Variants in CTNNA2 observed in about 807,000 individuals in gnomAD.
CTNNA2 encodes the protein catenin alpha-2.
In CTNNA2, 42 loss-of-function variants were observed where a neutral mutation model predicts 101.0. The ratio of observed to expected loss-of-function variants is 0.42; its 90% CI spans 0.32 to 0.54. The LOEUF (loss-of-function observed/expected upper bound fraction) is 0.54. Ranked by LOEUF, CTNNA2 falls within the 20% of genes least tolerant of loss-of-function variation. The probability of loss-of-function intolerance (pLI) is 0.14; values close to 1 mark genes in which losing one functional copy is unlikely to be tolerated. For missense variants in CTNNA2, 871 were observed against 1,223.1 expected (o/e 0.71, Z 4.29); for synonymous variants, 450 against 456.4 (o/e 0.99, Z 0.18).
chr2:79,906,319 C>T (rs1376668904), intron 6 of CTNNA2, among the ~76,000 whole-genome samples: 1 of 152,100 alleles, frequency 6.6e-6, no homozygotes, highest in Non-Finnish European at 1.5e-5. Context: ...CACAGACACA[C>T]ACCCACATGC....
chr2:80,248,031 G>C (rs77748748), intron 7 of CTNNA2, among the ~76,000 whole-genome samples: 1 of 138,744 alleles, frequency 7.2e-6, no homozygotes, highest in Non-Finnish European at 1.6e-5. Flanking sequence ...TTTTTTTTTT[G>C]TGGGGGCAGG....
chr2:80,162,596 C>G, intron 7 of CTNNA2: 2 of 1,610,794 alleles, frequency 1.2e-6, no homozygotes, highest in Non-Finnish European at 1.7e-6. Context: ...CAGTGTAACG[C>G]TGTTCCCGGC....
intron 3 of CTNNA2, among the ~76,000 whole-genome samples, chr2:79,361,266 G>A (rs1169736776): frequency 1.3e-5 from 2 of 151,998 alleles, no homozygotes; most frequent in African/African-American, 4.8e-5. Flanking sequence ...TAAAGATTTA[G>A]ACAAACAAAC....
At chr2:79,421,875 C>T (rs535713591) in intron 4 of CTNNA2, among the ~76,000 whole-genome samples, 1 of 152,246 alleles carries the variant, frequency 6.6e-6, no homozygotes, top group South Asian at 2.1e-4. Context: ...TGGGCCAGTA[C>T]TCTAGCAATC....
chr2:80,321,614 T>C (rs1678698518), intron 7 of CTNNA2, among the ~76,000 whole-genome samples: 2 of 152,246 alleles, frequency 1.3e-5, no homozygotes, highest in African/African-American at 4.8e-5. Flanking sequence ...AAATCTTTTT[T>C]TTAAAAGCCT....
intron 7 of CTNNA2, among the ~76,000 whole-genome samples, chr2:80,100,043 C>T (rs1700445566): frequency 6.6e-6 from 1 of 152,114 alleles, no homozygotes; most frequent in Non-Finnish European, 1.5e-5. Context: ...AATTCTCCTG[C>T]CCCAGCCTCC....
intron 2 of CTNNA2, among the ~76,000 whole-genome samples, chr2:79,743,532 ATTTATTTT>A (rs1487219838): frequency 4.9e-5 from 7 of 143,214 alleles, no homozygotes; most frequent in African/African-American, 1.8e-4. Flanking sequence ...TATTTATTTT[ATTTATTTT>A]TTTTTTTTTT....
intron 7 of CTNNA2, among the ~76,000 whole-genome samples, chr2:80,122,138 G>A (rs1030119554): frequency 6.6e-6 from 1 of 151,692 alleles, no homozygotes; most frequent in African/African-American, 2.4e-5. Context: ...GAATTACGTG[G>A]CTCTGGGTTG....
At chr2:80,524,206 CA>C (rs1559180598) in intron 9 of CTNNA2, among the ~76,000 whole-genome samples, 1 of 152,086 alleles carries the variant, frequency 6.6e-6, no homozygotes, top group Non-Finnish European at 1.5e-5. Context: ...TTTAGGTGAT[CA>C]GGGGAGATGT....
At chr2:79,296,219 A>G (rs932719980) in intron 2 of CTNNA2, among the ~76,000 whole-genome samples, 13 of 152,268 alleles carry the variant, frequency 8.5e-5, no homozygotes, top group African/African-American at 3.1e-4. Flanking sequence ...CCCACAGCAG[A>G]TAAGGAATCA....
intron 3 of CTNNA2, among the ~76,000 whole-genome samples, chr2:79,364,160 T>C (rs977460276): frequency 1.3e-5 from 2 of 152,140 alleles, no homozygotes; most frequent in Non-Finnish European, 2.9e-5. Flanking sequence ...GCTAAGTTGA[T>C]TGTCAATAAA....
At chr2:79,728,137 C>T (rs1014000435) in intron 2 of CTNNA2, among the ~76,000 whole-genome samples, 2 of 152,056 alleles carry the variant, frequency 1.3e-5, no homozygotes, top group Non-Finnish European at 2.9e-5. Context: ...GTTCTAGATC[C>T]CTGAGGAATC....
chr2:80,043,206 C>CTCTCT (rs1553437205), intron 7 of CTNNA2, among the ~76,000 whole-genome samples: 1 of 91,774 alleles, frequency 1.1e-5, no homozygotes, highest in East Asian at 3.1e-4. Flanking sequence ...TTCTCTCTCT[C>CTCTCT]TTTTTTTTTT....
intron 3 of CTNNA2, among the ~76,000 whole-genome samples, chr2:79,325,518 G>A (rs1466366804): frequency 6.6e-6 from 1 of 152,160 alleles, no homozygotes; most frequent in Non-Finnish European, 1.5e-5. Flanking sequence ...TCTCCAAGTG[G>A]CTTATAAAAC....
chr2:79,850,845 A>G (rs1403261045), intron 3 of CTNNA2, among the ~76,000 whole-genome samples: 2 of 152,240 alleles, frequency 1.3e-5, no homozygotes, highest in African/African-American at 4.8e-5. Context: ...AGCTCTTAAA[A>G]AGAGAGCTAT....
chr2:80,364,467 C>A (rs1181964187), intron 7 of CTNNA2, among the ~76,000 whole-genome samples: 1 of 151,564 alleles, frequency 6.6e-6, no homozygotes, highest in Non-Finnish European at 1.5e-5. Context: ...TTATTTTAGT[C>A]GTTCCTAAAA....
At chr2:80,146,090 A>T (rs573867134) in intron 7 of CTNNA2, among the ~76,000 whole-genome samples, 1 of 152,190 alleles carries the variant, frequency 6.6e-6, no homozygotes, top group Admixed American at 6.5e-5. Flanking sequence ...CAATGCTGTG[A>T]AAACCTCAAG....
At chr2:79,232,750 T>A (rs1374921443) in intron 2 of CTNNA2, among the ~76,000 whole-genome samples, 1 of 152,172 alleles carries the variant, frequency 6.6e-6, no homozygotes, top group Admixed American at 6.5e-5. Context: ...TTCACTTGCT[T>A]TCTGATTCAA....
At chr2:79,861,472 T>C (rs549037701) in intron 4 of CTNNA2, among the ~76,000 whole-genome samples, 2 of 152,248 alleles carry the variant, frequency 1.3e-5, no homozygotes, top group African/African-American at 4.8e-5. Context: ...TAAAAATGAG[T>C]AAAGGATTAG....
Sources: gnomAD v4.1 joint callset for allele counts (sites outside exome capture counted in the v4.1 genomes callset) on GRCh38, gnomAD v4.1.1 for gene constraint, MANE v1.5 for transcripts, NCBI Gene and HGNC (gene_info 2026-07-23, HGNC 2026-07-21) for gene names.